Variants in PTPN2 observed in about 807,000 individuals in gnomAD.
PTPN2 encodes tyrosine-protein phosphatase non-receptor type 2.
A neutral mutation model predicts 57.3 loss-of-function variants in PTPN2; 19 were observed. That is an observed-to-expected ratio of 0.33 (90% CI 0.23 to 0.49). The LOEUF is 0.49. Ranked by LOEUF, PTPN2 falls within the 20% of genes least tolerant of loss-of-function variation. The pLI, the probability that PTPN2 is intolerant of heterozygous loss-of-function variation, is 0.99. For missense variants in PTPN2, 358 were observed against 501.1 expected, an observed-to-expected ratio of 0.71 and a Z score of 2.73; for synonymous variants, 153 against 164.9, an observed-to-expected ratio of 0.93 and a Z score of 0.55.
In PTPN2 at chr18:12,814,341, A is replaced by G; in HGVS notation, c.720T>C (p.Asp240=). Residue 240 remains aspartate (D), a synonymous_variant, in exon 7 of 9, where the codon GAT becomes GAC. Transcript: ENST00000309660. ...DTCLVLMEKG[D]DINIKQVLLN... is the part of the protein sequence containing the mutation. ...GTAACACTTGTTTTATGTTAATATC[A>G]TCTCCTTTTTCCATCTGCAAGAAAG... 1.3e-6 allele frequency: 2 copies of G among 1,592,682 alleles called. No homozygotes were observed. Among genetic ancestry groups the G allele is most frequent in the Non-Finnish European group, 8.5e-7 (1 of 1,172,880 alleles).
chr18:12,878,967 GCA>G (rs2044582794), intron 1 of PTPN2, among the ~76,000 whole-genome samples: 1 of 152,094 alleles, frequency 6.6e-6, no homozygotes, highest in Non-Finnish European at 1.5e-5. Context: ...TCCTCAGTAG[GCA>G]CACAGACTCC....
intron 2 of PTPN2, among the ~76,000 whole-genome samples, chr18:12,854,679 G>A (rs908364984): frequency 2.2e-4 from 34 of 152,098 alleles, no homozygotes; most frequent in African/African-American, 7.7e-4. Context: ...TGAGATTTGG[G>A]GTTATAAGCA....
intron 4 of PTPN2, among the ~76,000 whole-genome samples, chr18:12,827,533 T>A (rs1431283117): frequency 6.6e-6 from 1 of 151,696 alleles, no homozygotes; most frequent in East Asian, 1.9e-4. Flanking sequence ...TCCAGGTGCG[T>A]GCCACCACAC....
At chr18:12,789,692 G>A (rs2040931559), downstream of PTPN2, among the ~76,000 whole-genome samples, 1 of 152,126 alleles carries the variant, frequency 6.6e-6, no homozygotes, top group Non-Finnish European at 1.5e-5. Context: ...TAGAAAAACA[G>A]ATAAACCAAT....
At chr18:12,796,505 C>T (rs1399746564) in intron 8 of PTPN2, among the ~76,000 whole-genome samples, 1 of 152,110 alleles carries the variant, frequency 6.6e-6, no homozygotes, top group Admixed American at 6.5e-5. Context: ...TGTACTGGAA[C>T]CTTCTCTCCC....
chr18:12,793,874 C>T lies in PTPN2; in HGVS notation c.*404G>A, dbSNP rs1202594486. 9.6e-7 allele frequency: 1 copy of T among 1,042,778 alleles called. No individual in the cohort carries two copies. The highest frequency in any genetic ancestry group is 1.2e-6 in the Non-Finnish European group (1 of 863,346). 64.6% of individuals were successfully genotyped at this position (1,042,778 alleles called of 1,614,324 possible). On this transcript the variant is annotated 3_prime_UTR_variant, in exon 9 of 9. Coordinates refer to ENST00000309660, the MANE Select transcript of PTPN2 (RefSeq NM_002828.4). Reference sequence around the variant, plus strand: ...ACACACATTATTTAAATGTCATTTTCTTTCCAATAACGTAGATAAAACCAC... The same window carrying T: ...ACACACATTATTTAAATGTCATTTTTTTTCCAATAACGTAGATAAAACCAC...
intron 1 of PTPN2, among the ~76,000 whole-genome samples, chr18:12,877,618 G>C (rs1343421425): frequency 6.6e-6 from 1 of 152,218 alleles, no homozygotes; most frequent in Non-Finnish European, 1.5e-5. Flanking sequence ...GTAAGTATGA[G>C]AAGAACAGTG....
intron 6 of PTPN2, among the ~76,000 whole-genome samples, chr18:12,815,241 G>A (rs575072860): frequency 6.6e-5 from 10 of 151,354 alleles, no homozygotes; most frequent in Non-Finnish European, 1.0e-4. Flanking sequence ...GTAAAACCCC[G>A]TCTCTACTAA....
intron 5 of PTPN2, among the ~76,000 whole-genome samples, chr18:12,819,573 C>G (rs1451596556): frequency 6.6e-6 from 1 of 151,556 alleles, no homozygotes; most frequent in Non-Finnish European, 1.5e-5. Flanking sequence ...CTGTTATGGG[C>G]AGTGGTTACA....
At chr18:12,839,091 T>C (rs568991452) in intron 2 of PTPN2, among the ~76,000 whole-genome samples, 1 of 151,732 alleles carries the variant, frequency 6.6e-6, no homozygotes, top group South Asian at 2.1e-4. Flanking sequence ...AAAATAACTA[T>C]TGCAAAAGAT....
chr18:12,798,873 AAC>A (rs201639630), intron 8 of PTPN2, among the ~76,000 whole-genome samples: 3,487 of 152,298 alleles, frequency 0.023, 47 homozygotes, highest in Non-Finnish European at 0.033. Flanking sequence ...TACTCCCACC[AAC>A]AGTGTTTAAG....
rs375868267 is a variant in PTPN2 at position 12,868,457 on chromosome 18, T to C, written c.70-9203A>G. Reference sequence around the variant, plus strand: ...TTTTAGTAGAGACAGGGTCTCACCATGTTAGCCAGGCTTGTCTTGAACTAC... The same window carrying C: ...TTTTAGTAGAGACAGGGTCTCACCACGTTAGCCAGGCTTGTCTTGAACTAC... On this transcript the variant is annotated intron_variant, in intron 1 of 8. Transcript: ENST00000309660. 2.6e-5 allele frequency among the ~76,000 whole-genome samples: 4 copies of C among 151,988 alleles called. No homozygotes were observed. In the South Asian group the frequency reaches 8.3e-4, roughly 32 times the overall value.
At chr18:12,849,521 C>T (rs1450113348) in intron 2 of PTPN2, among the ~76,000 whole-genome samples, 3 of 151,942 alleles carry the variant, frequency 2.0e-5, no homozygotes, top group South Asian at 2.1e-4. Context: ...ATCGTGCCAC[C>T]GCACTCCAGC....
intron 2 of PTPN2, among the ~76,000 whole-genome samples, chr18:12,852,425 T>C (rs1165457053): frequency 4.6e-5 from 7 of 152,220 alleles, no homozygotes; most frequent in Non-Finnish European, 1.0e-4. Context: ...AACAACGAAG[T>C]TCTTGTCCAT....
At chr18:12,798,735 T>C (rs2145235543) in intron 8 of PTPN2, among the ~76,000 whole-genome samples, 1 of 152,362 alleles carries the variant, frequency 6.6e-6, no homozygotes, top group South Asian at 2.1e-4. Flanking sequence ...TTTACATCTT[T>C]ACAGTACAAT....
chr18:12,829,319 C>A (rs2042586502), intron 4 of PTPN2, among the ~76,000 whole-genome samples: 1 of 151,938 alleles, frequency 6.6e-6, no homozygotes, highest in South Asian at 2.1e-4. Context: ...AACTTGAGAC[C>A]AGCCTGGCCA....
chr18:12,844,564 C>CT (rs1276330556), intron 2 of PTPN2, among the ~76,000 whole-genome samples: 1 of 152,158 alleles, frequency 6.6e-6, no homozygotes, highest in Non-Finnish European at 1.5e-5. Context: ...TATCTGCCAT[C>CT]TGTGTCATAT....
chr18:12,834,689 A>G (rs1482272649), intron 3 of PTPN2, among the ~76,000 whole-genome samples: 1 of 151,932 alleles, frequency 6.6e-6, no homozygotes, highest in Non-Finnish European at 1.5e-5. Context: ...GTTGAAAACC[A>G]TGGTCTTAAA....
downstream of PTPN2, among the ~76,000 whole-genome samples, chr18:12,791,327 ATT>A (rs1278533102): frequency 2.0e-5 from 3 of 152,096 alleles, no homozygotes; most frequent in African/African-American, 7.2e-5. Context: ...TTTTTTTATA[ATT>A]TTTTCTTCCT....
Sources: allele counts gnomAD v4.1 joint callset (sites outside exome capture counted in the v4.1 genomes callset), GRCh38; gene constraint gnomAD v4.1.1; transcripts MANE v1.5; gene names NCBI Gene and HGNC (gene_info 2026-07-23, HGNC 2026-07-21).